DNMBP: variants seen among roughly 807,000 people sequenced by gnomAD.
DNMBP encodes dynamin-binding protein.
A neutral mutation model predicts 150.0 loss-of-function variants in DNMBP; 87 were observed. The observed-to-expected ratio is 0.58, with a 90% CI of 0.49 to 0.69. The LOEUF is 0.69. Among genes scored for constraint, DNMBP ranks in the 30% least tolerant of loss-of-function variants. DNMBP has a pLI of 0.00. For missense variants in DNMBP, 1,774 were observed against 1,949.0 expected (o/e 0.91, Z 1.69); for synonymous variants, 711 against 750.4 (o/e 0.95, Z 0.86).
At chr10:99,939,315 T>C (rs1455933446) in intron 4 of DNMBP, among the ~76,000 whole-genome samples, 2 of 152,224 alleles carry the variant, frequency 1.3e-5, no homozygotes, top group Admixed American at 1.3e-4. Context: ...ACCTATGCTG[T>C]TACTTCATTA....
Position 99,880,308 on chromosome 10 carries a change from T to C in DNMBP, c.4051A>G (p.Ser1351Gly), listed in dbSNP as rs1183852339. The change falls in exon 16 of 17, where the codon AGC becomes GGC. Residue 1351 changes from serine (S) to glycine (G), a missense_variant. Physicochemically the swap from Ser to Gly is moderately conservative, Grantham distance 56 (BLOSUM62 0). Around this residue, in one of 2 missense-constraint regions of DNMBP, gnomAD observed 1,430 missense variants for 1,492.5 expected, o/e 0.96. Coordinates refer to ENST00000324109, the MANE Select transcript of DNMBP (RefSeq NM_015221.4). Reference sequence around the variant, plus strand: ...CTACCCACGGAGGCATCGGAGTGGCTGCGGCGAGGATTGTAGGGCTTTAGG... The same window carrying C: ...CTACCCACGGAGGCATCGGAGTGGCCGCGGCGAGGATTGTAGGGCTTTAGG... ...SFLKPYNPRR[S>G]HSDASVGSHS... is the part of the protein sequence containing the mutation. 1 of 1,612,552 alleles carries C rather than the reference T, an allele frequency of 6.2e-7. No individual in the cohort carries two copies. Among genetic ancestry groups the C allele is most frequent in the Non-Finnish European group, 8.5e-7 (1 of 1,179,624 alleles).
chr10:99,952,787 C>T (rs1270004192), intron 4 of DNMBP, among the ~76,000 whole-genome samples: 1 of 151,976 alleles, frequency 6.6e-6, no homozygotes, highest in Admixed American at 6.6e-5. Flanking sequence ...TTTTTTTATT[C>T]TATTATTTCC....
intron 4 of DNMBP, among the ~76,000 whole-genome samples, chr10:99,919,917 T>A (rs2133264485): frequency 6.6e-6 from 1 of 152,352 alleles, no homozygotes; most frequent in South Asian, 2.1e-4. Flanking sequence ...GTCTTTAAAG[T>A]TAGTTCCATT....
chr10:99,924,849 A>G (rs2040060779), intron 4 of DNMBP, among the ~76,000 whole-genome samples: 1 of 152,198 alleles, frequency 6.6e-6, no homozygotes, highest in Admixed American at 6.5e-5. Flanking sequence ...CCTTCAAATC[A>G]ATGCAGGTTT....
At chr10:99,888,217 T>TGTTTTTGTTTTA (rs78024532) in intron 12 of DNMBP, among the ~76,000 whole-genome samples, 1 of 151,198 alleles carries the variant, frequency 6.6e-6, no homozygotes, top group Non-Finnish European at 1.5e-5. Flanking sequence ...TTTGTTTGTT[T>TGTTTTTGTTTTA]GTTTTTGTTT....
At chr10:99,930,306 T>A (rs2040135625) in intron 4 of DNMBP, 1 of 703,022 alleles carries the variant, frequency 1.4e-6, no homozygotes, top group Non-Finnish European at 2.6e-6. Context: ...TTCAGCTTTT[T>A]TAGAGTCCTC....
intron 13 of DNMBP, 94 bp from the exon 14 acceptor site, chr10:99,885,960 T>A: frequency 8.3e-7 from 1 of 1,211,126 alleles, no homozygotes; most frequent in Non-Finnish European, 1.1e-6. Context: ...AGATCCCGGA[T>A]TGACAGTCTC....
chr10:99,938,281 G>A, intron 4 of DNMBP, among the ~76,000 whole-genome samples: 1 of 152,074 alleles, frequency 6.6e-6, no homozygotes, highest in East Asian at 1.9e-4. Flanking sequence ...TGGTGGCTCA[G>A]GCCTGTAATC....
At chr10:99,904,098 C>T (rs768922313) in intron 6 of DNMBP, among the ~76,000 whole-genome samples, 5 of 151,788 alleles carry the variant, frequency 3.3e-5, no homozygotes, top group African/African-American at 7.3e-5. Flanking sequence ...AAACATCGGA[C>T]ATAAAAATTA....
Position 99,877,010 on chromosome 10 carries a change from T to C in DNMBP, c.*141A>G. On this transcript the variant is annotated 3_prime_UTR_variant, in exon 17 of 17. Transcript: ENST00000324109. ...CAACCCAATCGAGGAGAACAAGATC[T>C]GTGGTGTGCTCCACCATGCCATGGT... The C allele has an allele frequency of 1.5e-6, 1 of 653,082 alleles. No homozygotes were observed. The highest frequency in any genetic ancestry group is 2.6e-6 in the Non-Finnish European group (1 of 387,504). 40.5% of individuals were successfully genotyped at this position (653,082 alleles called of 1,614,324 possible). A position where few individuals can be genotyped will look rare whatever the true frequency, so the allele number is the denominator to read the frequency against.
intron 5 of DNMBP, 132 bp downstream of exon 5, chr10:99,908,821 G>A (rs1317473945): frequency 3.6e-6 from 3 of 824,354 alleles, no homozygotes; most frequent in African/African-American, 3.4e-5. Context: ...CCTTGATTAA[G>A]AGCAGCAGCA....
intron 4 of DNMBP, among the ~76,000 whole-genome samples, chr10:99,927,717 T>C (rs1261819248): frequency 6.6e-6 from 1 of 152,192 alleles, no homozygotes; most frequent in African/African-American, 2.4e-5. Context: ...GTGAACTAAA[T>C]ATGAATATAC....
At chr10:99,939,440 A>G (rs547304110) in intron 4 of DNMBP, among the ~76,000 whole-genome samples, 1 of 152,380 alleles carries the variant, frequency 6.6e-6, no homozygotes, top group Admixed American at 6.5e-5. Context: ...TGCAAAAATT[A>G]TAACACTGAG....
At chr10:99,918,826 A>C (rs541633823) in intron 4 of DNMBP, among the ~76,000 whole-genome samples, 10 of 152,288 alleles carry the variant, frequency 6.6e-5, no homozygotes, top group Admixed American at 5.2e-4. Flanking sequence ...TAACTCAAAC[A>C]CCATTTCTGA....
chr10:99,880,390 G>C lies in DNMBP; in HGVS notation c.3998-29C>G, dbSNP rs1471352404. 2.6e-6 allele frequency: 4 copies of C among 1,525,078 alleles called. No individual in the cohort carries two copies. The African/African-American group carries it at 4.1e-5, about 16-fold the overall frequency. 94.5% of individuals were successfully genotyped at this position (1,525,078 alleles called of 1,614,324 possible). On this transcript the variant is annotated intron_variant, in intron 15 of 16. Coordinates refer to ENST00000324109, the MANE Select transcript of DNMBP (RefSeq NM_015221.4). ...CAAAGGAAACAGGAAATATAAACAA[G>C]AACTCTTAGCAGAAGGCTGGACAGA... is the stretch of plus-strand genomic sequence containing the variant.
At position 99,876,110 on chromosome 10, in the gene DNMBP, C is replaced by T. The variant is rs906767411; in HGVS notation, c.*1041G>A. 2.6e-5 allele frequency: 4 copies of T among 152,232 alleles called. No homozygotes were observed. The highest frequency in any genetic ancestry group is 9.6e-5 in the African/African-American group (4 of 41,470). The allele number at this position is 152,232 out of a possible 1,614,324, so 9.4% of individuals were successfully genotyped here. A position where few individuals can be genotyped will look rare whatever the true frequency, so the allele number is the denominator to read the frequency against. On this transcript the variant is annotated 3_prime_UTR_variant, in exon 17 of 17. Transcript: ENST00000324109. The stretch of plus-strand genomic sequence containing the variant: ...AGGGTGCTTGGATGAAGAAGAAAGA[C>T]ATCCAGTCTTCCATTAGGCTCAACT...
intron 4 of DNMBP, among the ~76,000 whole-genome samples, chr10:99,910,667 T>C (rs949859149): frequency 1.3e-5 from 2 of 152,188 alleles, no homozygotes; most frequent in African/African-American, 4.8e-5. Context: ...AGAGAAGGTA[T>C]AGCTGAGCCT....
intron 4 of DNMBP, among the ~76,000 whole-genome samples, chr10:99,922,492 AGCT>A (rs1174756739): frequency 5.0e-5 from 7 of 139,220 alleles, no homozygotes; most frequent in Non-Finnish European, 1.1e-4. Flanking sequence ...CACATAACCT[AGCT>A]GCTGCTGTTT....
chr10:99,877,848 A>G (rs1035839586), intron 16 of DNMBP, among the ~76,000 whole-genome samples: 1 of 152,212 alleles, frequency 6.6e-6, no homozygotes, highest in African/African-American at 2.4e-5. Flanking sequence ...CCTGGGCGAC[A>G]GAGTGAGACT....
Sources: allele counts gnomAD v4.1 joint callset (sites outside exome capture counted in the v4.1 genomes callset), GRCh38; gene constraint gnomAD v4.1.1; regional missense constraint gnomAD v4.1.1; transcripts MANE v1.5; gene names NCBI Gene and HGNC (gene_info 2026-07-23, HGNC 2026-07-21).